Variants in RABL2A observed in about 807,000 individuals in gnomAD.
The protein encoded by RABL2A is RAB, member of RAS oncogene family like 2A.
RABL2A carries 17 observed loss-of-function variants against 30.7 expected under a neutral mutation model. The observed-to-expected ratio is 0.55, with a 90% confidence interval of 0.38 to 0.83. The LOEUF is 0.83. Ranked by LOEUF, RABL2A falls within the 40% of genes least tolerant of loss-of-function variation. RABL2A has a pLI of 0.00. For missense variants in RABL2A, 155 were observed against 272.6 expected, an observed-to-expected ratio of 0.57 and a Z score of 3.04; for synonymous variants, 64 against 101.8, an observed-to-expected ratio of 0.63 and a Z score of 2.24.
chr2:113,635,340 A>T (rs2104658276), intron 5 of RABL2A: 2 of 586,620 alleles, frequency 3.4e-6, no homozygotes, highest in East Asian at 5.8e-5. Context: ...GGATGGGTGG[A>T]GAAAAGGTGG....
At chr2:113,641,614 A>C in intron 7 of RABL2A, 164 bp downstream of exon 7, 1 of 1,230,742 alleles carries the variant, frequency 8.1e-7, no homozygotes, top group Non-Finnish European at 1.2e-6. Context: ...TTGATGAGGC[A>C]GAAGTCCATT....
At position 113,634,130 on chromosome 2, in the gene RABL2A, T is replaced by A. The variant is rs773884748; in HGVS notation, c.138-23T>A. 6 of 1,598,910 alleles carry A rather than the reference T, an allele frequency of 3.8e-6. No homozygotes were observed. In the South Asian group the frequency reaches 6.8e-5, roughly 18 times the overall value. On this transcript the variant is annotated intron_variant, in intron 3 of 8. Transcript: ENST00000683472. ...CTTCCTTACCTCCCCTTTTATTGAT[T>A]TTGCTCCTTAACCTGAGTGCAGTCA... is the stretch of plus-strand genomic sequence containing the variant.
intron 2 of RABL2A, among the ~76,000 whole-genome samples, chr2:113,630,145 G>A (rs947659375): frequency 9.2e-5 from 14 of 152,250 alleles, no homozygotes; most frequent in African/African-American, 2.4e-4. Flanking sequence ...TTAACTTGAC[G>A]TCAAAGATTA....
intron 5 of RABL2A, chr2:113,637,450 A>G: frequency 9.1e-7 from 1 of 1,101,026 alleles, no homozygotes; most frequent in Non-Finnish European, 1.1e-6. Flanking sequence ...GCCCAGGTGG[A>G]AAGACACACG....
At position 113,641,401 on chromosome 2, in the gene RABL2A, C is replaced by T. The variant is rs749362887; in HGVS notation, c.458C>T (p.Ser153Phe). ...QKSFNFAKKF[S>F]LPLYFVSAAD... is the part of the protein sequence containing the mutation. ...AGCTTCAATTTTGCCAAGAAGTTCT[C>T]CCTGCCCCTGTATTTCGTCTCGGCT... is the stretch of plus-strand genomic sequence containing the variant. Residue 153 changes from serine (S) to phenylalanine (F), a missense_variant, in exon 7 of 9, where the codon TCC becomes TTC. By Grantham distance (155) the Ser-to-Phe change is radical (BLOSUM62 -2). Around this residue, in one of 5 missense-constraint regions of RABL2A, gnomAD observed 33 missense variants for 30.7 expected, o/e 1.08. Coordinates refer to ENST00000683472, the MANE Select transcript of RABL2A (RefSeq NM_001306158.2). 2 of 1,612,154 alleles carry T rather than the reference C, an allele frequency of 1.2e-6. No individual in the cohort carries two copies.
rs1574117845 is a variant in RABL2A at position 113,640,744 on chromosome 2, C to T, written c.298-150C>T. 4.6e-6 allele frequency: 6 copies of T among 1,300,326 alleles called. 1 individual carries two copies. In the South Asian group the frequency reaches 5.9e-5, roughly 13 times the overall value. 80.5% of individuals were successfully genotyped at this position (1,300,326 alleles called of 1,614,324 possible). On this transcript the variant is annotated intron_variant, in intron 5 of 8. Coordinates refer to ENST00000683472, the MANE Select transcript of RABL2A (RefSeq NM_001306158.2). ...AGGGGGCTTCCCTGAGAAACGGCAG[C>T]CTCTGCGGTCAGAGAGGCTGCAATT...
chr2:113,636,167 G>A (rs1056331774), intron 5 of RABL2A, among the ~76,000 whole-genome samples: 2 of 152,056 alleles, frequency 1.3e-5, no homozygotes, highest in African/African-American at 4.8e-5. Flanking sequence ...TAATAGACTA[G>A]TCTTCTGAAT....
At chr2:113,630,882 A>C (rs1226127699) in intron 2 of RABL2A, among the ~76,000 whole-genome samples, 1 of 151,468 alleles carries the variant, frequency 6.6e-6, no homozygotes, top group Non-Finnish European at 1.5e-5. Flanking sequence ...TAATAACAAG[A>C]CATGGTGTTT....
Position 113,642,333 on chromosome 2 carries a change from C to T in RABL2A, c.*204C>T. 1.7e-6 allele frequency: 2 copies of T among 1,194,464 alleles called. No homozygotes were observed. Among genetic ancestry groups the T allele is most frequent in the East Asian group, 2.6e-5 (1 of 37,982 alleles). The allele number at this position is 1,194,464 out of a possible 1,614,324, so 74.0% of individuals were successfully genotyped here. A position where few individuals can be genotyped will look rare whatever the true frequency, so the allele number is the denominator to read the frequency against. On this transcript the variant is annotated 3_prime_UTR_variant, in exon 9 of 9. Coordinates refer to ENST00000683472, the MANE Select transcript of RABL2A (RefSeq NM_001306158.2). ...ACTCTGGACTGGTGGAAGAATTCCC[C>T]ACCAGATCTCCTTGAAGCAGAATTA...
At position 113,637,002 on chromosome 2, in the gene RABL2A, AAAT is replaced by A. The variant is rs1364315641; in HGVS notation, c.297+1875_297+1877del. Among the ~76,000 whole-genome samples the A allele has an allele frequency of 2.0e-3, 286 of 146,530 alleles. 1 individual carries two copies. The highest frequency in any genetic ancestry group is 3.3e-3 in the Non-Finnish European group (221 of 67,320). On this transcript the variant is annotated intron_variant, in intron 5 of 8. Transcript: ENST00000683472. ...AGACTCTGTCTCAAAAAAAATAAAA[AAAT>A]AAAAAAATAAAGTCTGCCATGGCAC...
intron 4 of RABL2A, 36 bp from the exon 5 acceptor site, chr2:113,635,015 A>G: frequency 1.9e-6 from 3 of 1,614,122 alleles, no homozygotes; most frequent in Non-Finnish European, 1.7e-6. Context: ...ACAGAAATGC[A>G]CCAGGCATGT....
At chr2:113,636,988 CAA>C (rs1288796399) in intron 5 of RABL2A, among the ~76,000 whole-genome samples, 5 of 129,696 alleles carry the variant, frequency 3.9e-5, no homozygotes, top group South Asian at 2.4e-4. Flanking sequence ...GACTCTGTCT[CAA>C]AAAAAATAAA....
intron 5 of RABL2A, chr2:113,639,934 C>T (rs1684481872): frequency 6.6e-6 from 1 of 151,356 alleles, no homozygotes; most frequent in African/African-American, 2.4e-5. Context: ...TGGGAGGATC[C>T]CTTCAGGCCA....
At chr2:113,636,192 A>G (rs917802613) in intron 5 of RABL2A, among the ~76,000 whole-genome samples, 6 of 152,176 alleles carry the variant, frequency 3.9e-5, no homozygotes, top group African/African-American at 9.7e-5. Context: ...AACCCTAGCA[A>G]TTGTCACCAA....
intron 2 of RABL2A, among the ~76,000 whole-genome samples, chr2:113,630,120 T>C (rs1298321250): frequency 2.0e-5 from 3 of 152,080 alleles, no homozygotes; most frequent in African/African-American, 7.3e-5. Context: ...TAACAAAAAA[T>C]AAGAATCCAA....
At chr2:113,632,763 T>C (rs1680893247) in intron 2 of RABL2A, 152 bp from the exon 3 acceptor site, 1 of 1,119,128 alleles carries the variant, frequency 8.9e-7, no homozygotes, top group Non-Finnish European at 1.3e-6. Flanking sequence ...ATACCCAATT[T>C]CCAGACTTGA....
chr2:113,635,559 C>T, intron 5 of RABL2A: 1 of 280,994 alleles, frequency 3.6e-6, no homozygotes, highest in South Asian at 3.6e-5. Context: ...TCAGGCCAGC[C>T]CCTCGCCTCC....
intron 3 of RABL2A, 45 bp downstream of exon 3, chr2:113,632,989 C>A: frequency 1.2e-6 from 2 of 1,613,990 alleles, no homozygotes. Flanking sequence ...GTGGGTCTTC[C>A]CACGCTCATG....
At chr2:113,635,670 G>A (rs1034689202) in intron 5 of RABL2A, among the ~76,000 whole-genome samples, 11 of 152,190 alleles carry the variant, frequency 7.2e-5, no homozygotes, top group South Asian at 2.1e-4. Context: ...AAATGCAGCC[G>A]AGGAAACGGC....
Sources: allele counts gnomAD v4.1 joint callset (sites outside exome capture counted in the v4.1 genomes callset), GRCh38; gene constraint gnomAD v4.1.1; regional missense constraint gnomAD v4.1.1; transcripts MANE v1.5; gene names NCBI Gene and HGNC (gene_info 2026-07-23, HGNC 2026-07-21).